Variants in SPOCK3 observed in about 807,000 individuals in gnomAD.
The protein encoded by SPOCK3 is SPARC (osteonectin), cwcv and kazal like domains proteoglycan 3, also known as testican-3.
SPOCK3 carries 30 observed loss-of-function variants against 56.6 expected under a neutral mutation model. The ratio of observed to expected loss-of-function variants is 0.53; its 90% CI spans 0.40 to 0.72. The LOEUF is 0.72. SPOCK3 is among the 30% of genes least tolerant of loss of function. The probability of loss-of-function intolerance (pLI) is 0.00; values close to 1 mark genes in which losing one functional copy is unlikely to be tolerated. For synonymous variants in SPOCK3, 196 were observed against 183.3 expected (o/e 1.07, Z -0.56); for missense variants, 527 against 530.0 (o/e 0.99, Z 0.06).
intron 2 of SPOCK3, among the ~76,000 whole-genome samples, chr4:167,168,953 A>G (rs575461187): frequency 6.6e-6 from 1 of 152,278 alleles, no homozygotes; most frequent in East Asian, 1.9e-4. Flanking sequence ...CAAGGTACAC[A>G]TTGGGCCATG....
chr4:167,173,199 A>G (rs996864778), intron 2 of SPOCK3, among the ~76,000 whole-genome samples: 5 of 152,154 alleles, frequency 3.3e-5, no homozygotes, highest in African/African-American at 9.6e-5. Context: ...TTATCAATGC[A>G]GAAGTGGCAC....
At chr4:166,864,330 G>A (rs1731555884) in intron 6 of SPOCK3, among the ~76,000 whole-genome samples, 1 of 152,124 alleles carries the variant, frequency 6.6e-6, no homozygotes, top group African/African-American at 2.4e-5. Flanking sequence ...CAGAAGGCTG[G>A]AAAGATCTGA....
At chr4:167,160,594 G>T (rs1401199659) in intron 2 of SPOCK3, among the ~76,000 whole-genome samples, 3 of 151,954 alleles carry the variant, frequency 2.0e-5, no homozygotes, top group Admixed American at 2.0e-4. Context: ...GTAATCCTAA[G>T]CCAAAAGAAC....
intron 3 of SPOCK3, chr4:167,011,351 A>G: frequency 2.2e-6 from 1 of 454,338 alleles, no homozygotes; most frequent in South Asian, 1.6e-5. Context: ...AAGCATACCT[A>G]TTCAAACAAC....
At position 166,928,437 on chromosome 4, in the gene SPOCK3, A is replaced by C. The variant is rs139472147; in HGVS notation, c.351-15694T>G. The stretch of plus-strand genomic sequence containing the variant: ...GTAACTGGAAGAAGCCAACCAGGAA[A>C]GGCTACCTACTGTAAGATTCTAACT... On this transcript the variant is annotated intron_variant, in intron 4 of 10. Coordinates refer to ENST00000357545, the MANE Select transcript of SPOCK3 (RefSeq NM_001040159.2). Among the ~76,000 whole-genome samples, 36 of 152,334 alleles carry C rather than the reference A, an allele frequency of 2.4e-4. No homozygotes were observed. The East Asian group carries it at 6.4e-3, about 27-fold the overall frequency.
At chr4:166,851,837 C>T (rs1730124941) in intron 6 of SPOCK3, among the ~76,000 whole-genome samples, 1 of 151,940 alleles carries the variant, frequency 6.6e-6, no homozygotes, top group Non-Finnish European at 1.5e-5. Flanking sequence ...GCTATAAAGA[C>T]ACATGCACAC....
chr4:167,228,243 G>A (rs1258650427), intron 2 of SPOCK3, among the ~76,000 whole-genome samples: 1 of 152,022 alleles, frequency 6.6e-6, no homozygotes, highest in Non-Finnish European at 1.5e-5. Flanking sequence ...ACACATATAT[G>A]TAGATATACA....
intron 6 of SPOCK3, among the ~76,000 whole-genome samples, chr4:166,842,814 C>G (rs1340093723): frequency 2.0e-5 from 3 of 152,242 alleles, no homozygotes; most frequent in African/African-American, 7.2e-5. Context: ...GCGGAGCTGC[C>G]TGCCAGTCCC....
intron 4 of SPOCK3, among the ~76,000 whole-genome samples, chr4:166,980,149 C>A (rs1746408473): frequency 6.6e-6 from 1 of 152,202 alleles, no homozygotes; most frequent in Non-Finnish European, 1.5e-5. Flanking sequence ...AACTTCACAG[C>A]AGTGATTTTA....
intron 6 of SPOCK3, among the ~76,000 whole-genome samples, chr4:166,842,879 T>C (rs555117614): frequency 2.6e-5 from 4 of 152,176 alleles, no homozygotes; most frequent in Non-Finnish European, 5.9e-5. Flanking sequence ...CCGGGTGCTG[T>C]GTAGCAGGGG....
chr4:167,144,046 T>C (rs1046921723), intron 2 of SPOCK3, among the ~76,000 whole-genome samples: 1 of 152,062 alleles, frequency 6.6e-6, no homozygotes. Context: ...AGAATACAAC[T>C]GAGTCAAACG....
chr4:166,987,678 C>A (rs1442456960), intron 4 of SPOCK3, among the ~76,000 whole-genome samples: 1 of 152,104 alleles, frequency 6.6e-6, no homozygotes, highest in Non-Finnish European at 1.5e-5. Flanking sequence ...TAGAAGTTAC[C>A]AATGCCCTGT....
In SPOCK3 at chr4:166,945,237, C is replaced by A. The variant is rs373639663; in HGVS notation, c.351-32494G>T. On this transcript the variant is annotated intron_variant, in intron 4 of 10. Transcript: ENST00000357545. ...ACTCATTACAATTAGGATGTAATGA[C>A]TCCCTGGCACCCTCAGTAAATAGAT... Among the ~76,000 whole-genome samples, 28 of 152,266 alleles carry A rather than the reference C, an allele frequency of 1.8e-4. No individual in the cohort carries two copies. The South Asian group carries it at 5.4e-3, about 29-fold the overall frequency.
chr4:166,830,671 T>C (rs1002880749), intron 6 of SPOCK3, among the ~76,000 whole-genome samples: 4 of 152,162 alleles, frequency 2.6e-5, no homozygotes, highest in Non-Finnish European at 4.4e-5. Flanking sequence ...GAGGTAGAGG[T>C]TGCAGTGAGC....
At chr4:166,742,234 CATCTATCT>C (rs3077121) in intron 8 of SPOCK3, among the ~76,000 whole-genome samples, 175 bp from the exon 9 acceptor site, 1,668 of 121,934 alleles carry the variant, frequency 0.014, 10 homozygotes, top group Admixed American at 0.02. Context: ...GTCTATCTAT[CATCTATCT>C]ATCTATCTAT....
At chr4:166,973,702 C>T (rs1745631804) in intron 4 of SPOCK3, among the ~76,000 whole-genome samples, 1 of 151,906 alleles carries the variant, frequency 6.6e-6, no homozygotes, top group Non-Finnish European at 1.5e-5. Context: ...ATAAATTTGC[C>T]TTAAATACAC....
At chr4:167,161,721 T>C (rs1318382387) in intron 2 of SPOCK3, among the ~76,000 whole-genome samples, 1 of 152,014 alleles carries the variant, frequency 6.6e-6, no homozygotes, top group Non-Finnish European at 1.5e-5. Context: ...CAAAAAATGA[T>C]GAGTTCATGT....
chr4:167,037,372 C>T (rs1752846247), intron 3 of SPOCK3, among the ~76,000 whole-genome samples: 1 of 151,862 alleles, frequency 6.6e-6, no homozygotes, highest in South Asian at 2.1e-4. Context: ...GTCCCAGCTA[C>T]TCAGGAGGCT....
At chr4:166,739,203 C>T (rs1455770039) in intron 9 of SPOCK3, among the ~76,000 whole-genome samples, 2 of 152,064 alleles carry the variant, frequency 1.3e-5, no homozygotes, top group African/African-American at 2.4e-5. Flanking sequence ...TTTTGGTTTG[C>T]ATTTCTCTGA....
Sources: gnomAD v4.1 joint callset for allele counts (sites outside exome capture counted in the v4.1 genomes callset) on GRCh38, gnomAD v4.1.1 for gene constraint, MANE v1.5 for transcripts, NCBI Gene and HGNC (gene_info 2026-07-23, HGNC 2026-07-21) for gene names.